The following SNTG1 variants were observed in gnomAD, a reference collection of about 807,000 sequenced individuals.
The protein encoded by SNTG1 is gamma-1-syntrophin.
SNTG1 carries 39 observed loss-of-function variants against 74.7 expected under a neutral mutation model. The ratio of observed to expected loss-of-function variants is 0.52; its 90% CI spans 0.40 to 0.68. The LOEUF (loss-of-function observed/expected upper bound fraction) is 0.68, where lower values mean the gene tolerates loss of function less well. Among genes scored for constraint, SNTG1 ranks in the 30% least tolerant of loss-of-function variants. The pLI, the probability that SNTG1 is intolerant of heterozygous loss-of-function variation, is 0.00. For synonymous variants in SNTG1, 254 were observed against 217.1 expected (o/e 1.17, Z -1.49); for missense variants, 685 against 609.5 (o/e 1.12, Z -1.30).
chr8:50,777,673 T>TTC (rs764350842), intron 18 of SNTG1, among the ~76,000 whole-genome samples: 2 of 151,562 alleles, frequency 1.3e-5, no homozygotes, highest in Admixed American at 1.3e-4. Context: ...TTTTCTTTTT[T>TTC]TCTCTCTCTC....
chr8:50,308,794 T>C (rs893734455), intron 2 of SNTG1, among the ~76,000 whole-genome samples: 4 of 152,214 alleles, frequency 2.6e-5, no homozygotes, highest in Non-Finnish European at 5.9e-5. Flanking sequence ...CAACTGGCTC[T>C]TAAAGTCAGA....
At chr8:50,172,923 A>G (rs577602243) in intron 2 of SNTG1, among the ~76,000 whole-genome samples, 1 of 152,192 alleles carries the variant, frequency 6.6e-6, no homozygotes, top group South Asian at 2.1e-4. Flanking sequence ...TTGTTTCTTT[A>G]ATAAGCACTA....
At chr8:50,225,962 T>A (rs1195516920) in intron 2 of SNTG1, among the ~76,000 whole-genome samples, 1 of 152,204 alleles carries the variant, frequency 6.6e-6, no homozygotes. Context: ...ACACTATTGT[T>A]AATTATGTAC....
intron 13 of SNTG1, among the ~76,000 whole-genome samples, chr8:50,642,431 A>C (rs867734072): frequency 9.8e-5 from 15 of 152,288 alleles, no homozygotes; most frequent in Non-Finnish European, 2.2e-4. Flanking sequence ...CTCAGACTAA[A>C]GCCAAAGATC....
In SNTG1 at chr8:50,777,551, G is replaced by A. The variant is rs140314222; in HGVS notation, c.1396-15120G>A. 3.7e-3 allele frequency among the ~76,000 whole-genome samples: 563 copies of A among 151,306 alleles called. 4 individuals carry two copies. Among genetic ancestry groups the A allele is most frequent in the African/African-American group, 0.013 (522 of 41,332 alleles). ...ATTTGTTCTAAGCATGGTGATAATT[G>A]CTTATTGGAACAATTTTGTTGTGAC... On this transcript the variant is annotated intron_variant, in intron 18 of 18. Coordinates refer to ENST00000642720, the MANE Select transcript of SNTG1 (RefSeq NM_018967.5).
intron 1 of SNTG1, among the ~76,000 whole-genome samples, chr8:50,112,835 G>T (rs1487949888): frequency 6.6e-6 from 1 of 152,026 alleles, no homozygotes; most frequent in Non-Finnish European, 1.5e-5. Flanking sequence ...AATATGCATG[G>T]ATGTTAAATA....
intron 13 of SNTG1, among the ~76,000 whole-genome samples, chr8:50,615,221 A>C (rs2094878300): frequency 6.6e-6 from 1 of 152,066 alleles, no homozygotes; most frequent in African/African-American, 2.4e-5. Flanking sequence ...CGGCCTCCCA[A>C]AGTGCTGGGA....
chr8:50,621,961 T>C lies in SNTG1; in HGVS notation c.849+31044T>C, dbSNP rs747460895. The stretch of plus-strand genomic sequence containing the variant: ...CTTTCCTCTGCTCCAGCCTTGCTCC[T>C]ATATGGGCTAGGTGTCAAATGCACT... On this transcript the variant is annotated intron_variant, in intron 13 of 18. Coordinates refer to ENST00000642720, the MANE Select transcript of SNTG1 (RefSeq NM_018967.5). 2.6e-5 allele frequency among the ~76,000 whole-genome samples: 4 copies of C among 152,332 alleles called. No homozygotes were observed. In the South Asian group the frequency reaches 6.2e-4, roughly 24 times the overall value.
intron 1 of SNTG1, among the ~76,000 whole-genome samples, chr8:50,047,506 C>G (rs762057637): frequency 1.3e-5 from 2 of 152,050 alleles, no homozygotes; most frequent in Non-Finnish European, 2.9e-5. Flanking sequence ...TTAAGAGATA[C>G]TAGGTAATCA....
chr8:49,979,107 A>C (rs1300947712), intron 1 of SNTG1, among the ~76,000 whole-genome samples: 1 of 152,258 alleles, frequency 6.6e-6, no homozygotes, highest in African/African-American at 2.4e-5. Context: ...ATTTTGGAGA[A>C]GAATGAGCGA....
chr8:50,089,069 T>C (rs1048678497), intron 1 of SNTG1, among the ~76,000 whole-genome samples: 1 of 151,486 alleles, frequency 6.6e-6, no homozygotes, highest in African/African-American at 2.4e-5. Flanking sequence ...TGTAGATCAA[T>C]GGAACAGAAC....
chr8:50,231,417 T>C (rs912112059), intron 2 of SNTG1, among the ~76,000 whole-genome samples: 2 of 151,348 alleles, frequency 1.3e-5, no homozygotes, highest in African/African-American at 4.8e-5. Context: ...ATATGTCAAA[T>C]AGATGTCTGA....
chr8:50,517,674 G>A (rs1044601744), intron 9 of SNTG1, among the ~76,000 whole-genome samples: 1 of 135,448 alleles, frequency 7.4e-6, no homozygotes, highest in Non-Finnish European at 1.6e-5. Flanking sequence ...TGATAAAACA[G>A]ACTTTAAACC....
At chr8:49,999,743 G>A (rs879524985) in intron 1 of SNTG1, among the ~76,000 whole-genome samples, 8 of 151,850 alleles carry the variant, frequency 5.3e-5, no homozygotes, top group Non-Finnish European at 8.8e-5. Flanking sequence ...TCCAGGGCTC[G>A]GCTCTCCCAC....
At chr8:50,112,444 A>T (rs972681817) in intron 1 of SNTG1, among the ~76,000 whole-genome samples, 2 of 152,024 alleles carry the variant, frequency 1.3e-5, no homozygotes, top group African/African-American at 4.8e-5. Context: ...AACCTTAATT[A>T]AAAAACTAGT....
At chr8:50,739,213 A>G (rs866368041) in intron 17 of SNTG1, among the ~76,000 whole-genome samples, 8 of 152,138 alleles carry the variant, frequency 5.3e-5, no homozygotes, top group Non-Finnish European at 1.2e-4. Flanking sequence ...AAACAAATTT[A>G]CAAGAAAAAA....
At chr8:50,481,778 A>G (rs1047126782) in intron 8 of SNTG1, among the ~76,000 whole-genome samples, 4 of 152,234 alleles carry the variant, frequency 2.6e-5, no homozygotes, top group Non-Finnish European at 5.9e-5. Flanking sequence ...AAAAATATCT[A>G]TGAAATCCTT....
chr8:50,315,072 C>T (rs1180345791), intron 2 of SNTG1, among the ~76,000 whole-genome samples: 1 of 149,316 alleles, frequency 6.7e-6, no homozygotes, highest in Non-Finnish European at 1.5e-5. Flanking sequence ...GAATGGATTG[C>T]CTTATTTTAA....
intron 1 of SNTG1, among the ~76,000 whole-genome samples, chr8:50,067,095 T>A (rs1265775123): frequency 6.6e-6 from 1 of 152,236 alleles, no homozygotes; most frequent in Non-Finnish European, 1.5e-5. Flanking sequence ...TACATTTGTC[T>A]TAAATGTGCC....
Sources: gnomAD v4.1 joint callset for allele counts (sites outside exome capture counted in the v4.1 genomes callset) on GRCh38, gnomAD v4.1.1 for gene constraint, MANE v1.5 for transcripts, NCBI Gene and HGNC (gene_info 2026-07-23, HGNC 2026-07-21) for gene names.